EDEM2: variants seen among roughly 807,000 people sequenced by gnomAD.
The protein encoded by EDEM2 is ER degradation-enhancing alpha-mannosidase-like protein 2.
EDEM2 carries 39 observed loss-of-function variants against 64.8 expected under a neutral mutation model. The observed-to-expected ratio is 0.60, with a 90% CI of 0.47 to 0.79. The LOEUF (loss-of-function observed/expected upper bound fraction) is 0.79. EDEM2 is among the 30% of genes least tolerant of loss of function. EDEM2 has a pLI of 0.00. For missense variants in EDEM2, 609 were observed against 731.3 expected (o/e 0.83, Z 1.93); for synonymous variants, 296 against 291.5 (o/e 1.02, Z -0.16).
At chr20:35,145,340 T>G (rs1029403765) in intron 2 of EDEM2, among the ~76,000 whole-genome samples, 2 of 152,210 alleles carry the variant, frequency 1.3e-5, no homozygotes, top group African/African-American at 4.8e-5. Flanking sequence ...CTCTAGGAAT[T>G]TAATTCACAG....
In EDEM2 at chr20:35,147,111, C is replaced by T. The variant is rs370574682; in HGVS notation, c.107+41G>A. On this transcript the variant is annotated intron_variant, in intron 1 of 10. Coordinates refer to ENST00000374492, the MANE Select transcript of EDEM2 (RefSeq NM_018217.3). The stretch of plus-strand genomic sequence containing the variant: ...GGAAAGGGAAAGGACCGGGTTCACG[C>T]TTCCCATTCCCCAACTGCGAAAGGG... 75 of 1,586,602 alleles carry T rather than the reference C, an allele frequency of 4.7e-5. No homozygotes were observed. The African/African-American group carries it at 9.7e-4, about 20-fold the overall frequency.
chr20:35,128,256 G>A (rs1320930936), intron 7 of EDEM2, among the ~76,000 whole-genome samples: 1 of 151,646 alleles, frequency 6.6e-6, no homozygotes, highest in Non-Finnish European at 1.5e-5. Context: ...GGTGGCGGGC[G>A]CCTGTAATCC....
At chr20:35,126,919 A>G (rs766210914) in intron 7 of EDEM2, among the ~76,000 whole-genome samples, 1 of 152,166 alleles carries the variant, frequency 6.6e-6, no homozygotes, top group Non-Finnish European at 1.5e-5. Context: ...TCTCAAAAAG[A>G]AAAAAGCAGA....
At chr20:35,131,924 G>C (rs1004559408) in intron 6 of EDEM2, 141 bp from the exon 7 acceptor site, 4 of 967,744 alleles carry the variant, frequency 4.1e-6, no homozygotes, top group Non-Finnish European at 6.0e-6. Flanking sequence ...CCCTGAGAGG[G>C]AAGGGCAATG....
chr20:35,132,818 G>A (rs915599081), intron 6 of EDEM2, among the ~76,000 whole-genome samples: 4 of 152,122 alleles, frequency 2.6e-5, no homozygotes, highest in Non-Finnish European at 4.4e-5. Context: ...GATTACAGGC[G>A]TGAGCCACTG....
intron 5 of EDEM2, among the ~76,000 whole-genome samples, chr20:35,137,649 C>T (rs1439536991): frequency 6.6e-6 from 1 of 152,212 alleles, no homozygotes; most frequent in Non-Finnish European, 1.5e-5. Flanking sequence ...CTTCAACCAT[C>T]CCCTGCAAAC....
chr20:35,144,814 T>C (rs530705933), intron 3 of EDEM2, among the ~76,000 whole-genome samples, 165 bp downstream of exon 3: 1 of 152,210 alleles, frequency 6.6e-6, no homozygotes, highest in Admixed American at 6.5e-5. Context: ...AGTTCGTTTT[T>C]CCCCTATCTA....
At chr20:35,116,180 A>T (rs990359334) in intron 10 of EDEM2, among the ~76,000 whole-genome samples, 15 of 152,098 alleles carry the variant, frequency 9.9e-5, no homozygotes, top group South Asian at 4.1e-4. Flanking sequence ...ACACTATTTT[A>T]AAAAATAGGG....
At chr20:35,132,428 A>G (rs1214874381) in intron 6 of EDEM2, among the ~76,000 whole-genome samples, 1 of 152,010 alleles carries the variant, frequency 6.6e-6, no homozygotes, top group Non-Finnish European at 1.5e-5. Flanking sequence ...TGAGGGGGGC[A>G]AAATCACTGG....
At chr20:35,145,933 C>T (rs1023279437) in intron 2 of EDEM2, among the ~76,000 whole-genome samples, 9 of 135,640 alleles carry the variant, frequency 6.6e-5, no homozygotes, top group African/African-American at 2.2e-4. Flanking sequence ...AGCCAGGAGG[C>T]GGAGTTTGAA....
chr20:35,128,326 T>C (rs945853777), intron 7 of EDEM2, among the ~76,000 whole-genome samples: 11 of 143,832 alleles, frequency 7.6e-5, no homozygotes, highest in Non-Finnish European at 1.7e-4. Context: ...GAGTTTGTAG[T>C]GAGCGGAGAT....
chr20:35,124,059 C>T, intron 8 of EDEM2, 25 bp from the exon 9 acceptor site: 1 of 1,605,890 alleles, frequency 6.2e-7, no homozygotes, highest in African/African-American at 1.3e-5. Flanking sequence ...GGCTGTCAGG[C>T]AGGTAGACAC....
intron 7 of EDEM2, among the ~76,000 whole-genome samples, chr20:35,127,743 C>A (rs888395090): frequency 6.6e-6 from 1 of 152,118 alleles, no homozygotes; most frequent in African/African-American, 2.4e-5. Flanking sequence ...TTCCAAGACC[C>A]TCAGTGGATG....
chr20:35,137,427 AAAC>A (rs2085592237), intron 5 of EDEM2, among the ~76,000 whole-genome samples: 1 of 152,140 alleles, frequency 6.6e-6, no homozygotes, highest in South Asian at 2.1e-4. Flanking sequence ...ACAAACAAAC[AAAC>A]AACAAACTAT....
At position 35,115,889 on chromosome 20, in the gene EDEM2, C is replaced by T. The variant is rs746770720; in HGVS notation, c.1281G>A (p.Ser427=). 12 of 1,613,994 alleles carry T rather than the reference C, an allele frequency of 7.4e-6. No individual in the cohort carries two copies. Among genetic ancestry groups the T allele is most frequent in the East Asian group, 2.2e-5 (1 of 44,882 alleles). Residue 427 remains serine, a synonymous_variant, in exon 11 of 11, where the codon TCG becomes TCA. Transcript: ENST00000374492. ...ATTTCACAGTCTCGGCCAGGAAGAA[C>T]GACTCCATGCGGTTGTCCAGCTTGT... ...RDHKLDNRME[S]FFLAETVKYL...
chr20:35,138,707 G>A (rs1401476871), intron 4 of EDEM2, among the ~76,000 whole-genome samples: 2 of 151,364 alleles, frequency 1.3e-5, no homozygotes, highest in African/African-American at 4.9e-5. Context: ...AGCCTCCCGA[G>A]TAGCTGGGAC....
At chr20:35,126,120 C>T in intron 8 of EDEM2, 131 bp downstream of exon 8, 1 of 1,211,084 alleles carries the variant, frequency 8.3e-7, no homozygotes. Context: ...GGTCTCTCTT[C>T]CATCCTCAAC....
chr20:35,124,428 T>TCTCG (rs969460625), intron 8 of EDEM2, among the ~76,000 whole-genome samples: 2 of 152,164 alleles, frequency 1.3e-5, no homozygotes, highest in African/African-American at 4.8e-5. Flanking sequence ...TGAGACAGGG[T>TCTCG]CTCGCTCTGT....
intron 8 of EDEM2, among the ~76,000 whole-genome samples, chr20:35,124,460 G>A (rs1460846580): frequency 1.3e-5 from 2 of 152,116 alleles, no homozygotes; most frequent in Admixed American, 1.3e-4. Context: ...GAGTGCAGTG[G>A]CACAATCACG....
Sources: allele counts gnomAD v4.1 joint callset (sites outside exome capture counted in the v4.1 genomes callset), GRCh38; gene constraint gnomAD v4.1.1; transcripts MANE v1.5; gene names NCBI Gene and HGNC (gene_info 2026-07-23, HGNC 2026-07-21).